The following MSRA variants were observed in gnomAD, a reference collection of about 807,000 sequenced individuals.
The protein encoded by MSRA is methionine sulfoxide reductase A.
MSRA carries 54 observed loss-of-function variants against 31.3 expected under a neutral mutation model. That is an observed-to-expected ratio of 1.73 (90% confidence interval 1.39 to 2.17). MSRA has a LOEUF of 2.17. MSRA is among the 30% of genes most tolerant of loss of function. The probability of loss-of-function intolerance (pLI) is 0.00; values close to 1 mark genes in which losing one functional copy is unlikely to be tolerated. For missense variants in MSRA, 507 were observed against 300.9 expected (o/e 1.69, Z -5.07); for synonymous variants, 169 against 116.5 (o/e 1.45, Z -2.90).
At chr8:10,164,094 T>G (rs1804910439) in intron 1 of MSRA, among the ~76,000 whole-genome samples, 1 of 152,246 alleles carries the variant, frequency 6.6e-6, no homozygotes, top group Non-Finnish European at 1.5e-5. Flanking sequence ...TAATCTGTCT[T>G]TCTTTTTAAA....
intron 2 of MSRA, among the ~76,000 whole-genome samples, chr8:10,215,346 T>C (rs1809892628): frequency 6.6e-6 from 1 of 152,174 alleles, no homozygotes; most frequent in South Asian, 2.1e-4. Flanking sequence ...ATCTGTAACA[T>C]GACAAGAAAA....
At chr8:10,371,165 T>C (rs1436835458) in intron 5 of MSRA, among the ~76,000 whole-genome samples, 1 of 152,190 alleles carries the variant, frequency 6.6e-6, no homozygotes, top group African/African-American at 2.4e-5. Context: ...TTAGTTATTT[T>C]TAGGATATGT....
intron 3 of MSRA, among the ~76,000 whole-genome samples, chr8:10,294,449 C>T (rs1233121557): frequency 6.6e-6 from 1 of 152,132 alleles, no homozygotes; most frequent in East Asian, 1.9e-4. Flanking sequence ...CTATCAGTGT[C>T]CCCATTTTGC....
At chr8:10,159,015 A>G (rs570666326) in intron 1 of MSRA, among the ~76,000 whole-genome samples, 4 of 152,338 alleles carry the variant, frequency 2.6e-5, no homozygotes, top group Non-Finnish European at 5.9e-5. Context: ...GATCTCATTT[A>G]GATTTTAGGA....
At chr8:10,200,352 A>C (rs779356239) in intron 1 of MSRA, among the ~76,000 whole-genome samples, 1 of 152,150 alleles carries the variant, frequency 6.6e-6, no homozygotes, top group South Asian at 2.1e-4. Flanking sequence ...GGCAGCCCCC[A>C]CTTGCATATG....
chr8:10,384,346 C>T (rs540470303), intron 5 of MSRA, among the ~76,000 whole-genome samples: 5 of 152,338 alleles, frequency 3.3e-5, no homozygotes, highest in East Asian at 3.9e-4. Flanking sequence ...GAATGAAAAG[C>T]CAGAGCTCCT....
intron 1 of MSRA, among the ~76,000 whole-genome samples, chr8:10,061,084 G>T (rs541795777): frequency 9.9e-5 from 15 of 152,134 alleles, no homozygotes. Flanking sequence ...AGAACGTTTA[G>T]TGTTTCCCTG....
chr8:10,114,623 C>T (rs1800547543), intron 1 of MSRA, among the ~76,000 whole-genome samples: 1 of 152,134 alleles, frequency 6.6e-6, no homozygotes, highest in African/African-American at 2.4e-5. Context: ...TGCTAGAAGG[C>T]TCTATGGAAA....
chr8:10,289,604 G>T (rs934800043), intron 3 of MSRA, among the ~76,000 whole-genome samples: 1 of 152,170 alleles, frequency 6.6e-6, no homozygotes, highest in Non-Finnish European at 1.5e-5. Context: ...ATGGTATGGA[G>T]TGCCTTTTCT....
At chr8:10,347,641 A>T (rs772418083) in intron 5 of MSRA, among the ~76,000 whole-genome samples, 21 of 152,158 alleles carry the variant, frequency 1.4e-4, no homozygotes, top group Non-Finnish European at 7.3e-5. Context: ...GCCATCCCAA[A>T]GTTCCACTTT....
intron 3 of MSRA, among the ~76,000 whole-genome samples, chr8:10,295,241 T>C (rs1211371858): frequency 6.6e-6 from 1 of 152,132 alleles, no homozygotes; most frequent in East Asian, 1.9e-4. Flanking sequence ...CTGGGCACCA[T>C]GGCCTCAGCT....
intron 1 of MSRA, among the ~76,000 whole-genome samples, chr8:10,181,535 A>G (rs1311091269): frequency 6.6e-6 from 1 of 152,118 alleles, no homozygotes; most frequent in Non-Finnish European, 1.5e-5. Context: ...GAAGACTGAA[A>G]TGTATCCTAA....
At chr8:10,268,792 A>C (rs1026368695) in intron 3 of MSRA, among the ~76,000 whole-genome samples, 1 of 152,226 alleles carries the variant, frequency 6.6e-6, no homozygotes, top group Non-Finnish European at 1.5e-5. Flanking sequence ...TACACCATTA[A>C]ATGGATCTCC....
intron 1 of MSRA, among the ~76,000 whole-genome samples, chr8:10,084,687 A>G (rs1480138613): frequency 6.6e-6 from 1 of 152,238 alleles, no homozygotes; most frequent in Non-Finnish European, 1.5e-5. Flanking sequence ...GTATTATTTT[A>G]TGAAGATTAA....
chr8:10,282,336 A>G (rs1799665409), intron 3 of MSRA, among the ~76,000 whole-genome samples: 1 of 152,216 alleles, frequency 6.6e-6, no homozygotes, highest in Non-Finnish European at 1.5e-5. Flanking sequence ...AGTCACTTTG[A>G]ACTTATTTTC....
chr8:10,117,573 G>A (rs1226853288), intron 1 of MSRA, among the ~76,000 whole-genome samples: 3 of 152,180 alleles, frequency 2.0e-5, no homozygotes, highest in African/African-American at 7.2e-5. Flanking sequence ...TTGGGAGCAT[G>A]TCTTTTACAA....
chr8:10,296,767 G>A (rs1045562927), intron 3 of MSRA, among the ~76,000 whole-genome samples: 2 of 152,172 alleles, frequency 1.3e-5, no homozygotes, highest in Non-Finnish European at 2.9e-5. Context: ...ATTTGCCAGG[G>A]AGCTGTGGTG....
intron 1 of MSRA, among the ~76,000 whole-genome samples, chr8:10,172,068 C>A (rs1032345484): frequency 6.6e-6 from 1 of 152,172 alleles, no homozygotes; most frequent in Non-Finnish European, 1.5e-5. Flanking sequence ...CCCAGATTTC[C>A]ATGGGGACTA....
At chr8:10,341,261 C>G (rs923027716) in intron 5 of MSRA, among the ~76,000 whole-genome samples, 2 of 152,158 alleles carry the variant, frequency 1.3e-5, no homozygotes, top group African/African-American at 2.4e-5. Flanking sequence ...TGCTCGGCTC[C>G]TAGGGAGGCC....
Sources: gnomAD v4.1 joint callset for allele counts (sites outside exome capture counted in the v4.1 genomes callset) on GRCh38, gnomAD v4.1.1 for gene constraint, MANE v1.5 for transcripts, NCBI Gene and HGNC (gene_info 2026-07-23, HGNC 2026-07-21) for gene names.